The following WDR62 variants were observed in gnomAD, a reference collection of about 807,000 sequenced individuals.
The protein encoded by WDR62 is WD repeat domain 62.
WDR62 carries 112 observed loss-of-function variants against 160.6 expected under a neutral mutation model. The ratio of observed to expected loss-of-function variants is 0.70; its 90% CI spans 0.60 to 0.82. The LOEUF is 0.82. Ranked by LOEUF, WDR62 falls within the 40% of genes least tolerant of loss-of-function variation. The pLI is 0.00. For synonymous variants in WDR62, 792 were observed against 815.1 expected (o/e 0.97, Z 0.48); for missense variants, 1,819 against 1,983.8 (o/e 0.92, Z 1.58).
At chr19:36,055,258 T>C in intron 1 of WDR62, 110 bp downstream of exon 1, 1 of 1,258,634 alleles carries the variant, frequency 7.9e-7, no homozygotes, top group Non-Finnish European at 1.1e-6. Flanking sequence ...TCCCCTCAGG[T>C]TGTTCCCTGC....
intron 3 of WDR62, chr19:36,061,583 T>A (rs1047454683): frequency 2.0e-5 from 3 of 152,218 alleles, no homozygotes; most frequent in Non-Finnish European, 2.9e-5. Context: ...AGGCCCGTTG[T>A]GGCCAGTTCC....
chr19:36,110,135 G>C, the WDR62 span, among the ~76,000 whole-genome samples: 1 of 152,042 alleles, frequency 6.6e-6, no homozygotes, highest in African/African-American at 2.4e-5. Context: ...AGCTTGGCCA[G>C]TGTGCCGGGG....
At chr19:36,084,214 G>C (rs1972069510) in intron 11 of WDR62, among the ~76,000 whole-genome samples, 1 of 152,112 alleles carries the variant, frequency 6.6e-6, no homozygotes, top group Admixed American at 6.5e-5. Context: ...GATTTCATTT[G>C]GGGAGAATCA....
At position 36,102,106 on chromosome 19, in the gene WDR62, T is replaced by C; in HGVS notation, c.3175T>C (p.Phe1059Leu). 6.2e-7 allele frequency: 1 copy of C among 1,614,086 alleles called. No individual in the cohort carries two copies. Among genetic ancestry groups the C allele is most frequent in the Non-Finnish European group, 8.5e-7 (1 of 1,180,020 alleles). Residue 1059 changes from phenylalanine to leucine, a missense_variant, in exon 26 of 32, where the codon TTC becomes CTC. Around this residue, in one of 3 missense-constraint regions of WDR62, gnomAD observed 770 missense variants for 734.2 expected, o/e 1.05. Coordinates refer to ENST00000401500, the MANE Select transcript of WDR62 (RefSeq NM_001083961.2). ...SLPQTPEQEK[F>L]LRHHFETLTE... ...ACCCCAGACTCCGGAGCAGGAGAAG[T>C]TCCTCCGCCACCACTTTGAGACACT... is the stretch of plus-strand genomic sequence containing the variant.
At chr19:36,109,247 C>G (rs1043756081), downstream of WDR62, among the ~76,000 whole-genome samples, 11 of 152,180 alleles carry the variant, frequency 7.2e-5, no homozygotes, top group South Asian at 6.2e-4. Flanking sequence ...AGCGCTTATC[C>G]AGGAAGCCAT....
Position 36,092,728 on chromosome 19 carries a change from C to T in WDR62, c.2250C>T (p.Asn750=), listed in dbSNP as rs1183716031. The change falls in exon 19 of 32, where the codon AAC becomes AAT. Residue 750 remains asparagine (N), a synonymous_variant. Coordinates refer to ENST00000401500, the MANE Select transcript of WDR62 (RefSeq NM_001083961.2). ...GGCACCTGGGCCCGGAGATCACCAA[C>T]TGCATGAAGCAGCACTTGCTGGAGA... ...FIWHLGPEIT[N]CMKQHLLEID... The T allele has an allele frequency of 6.2e-7, 1 of 1,614,218 alleles. No individual in the cohort carries two copies. The highest frequency in any genetic ancestry group is 8.5e-7 in the Non-Finnish European group (1 of 1,180,038).
chr19:36,066,488 G>A, intron 5 of WDR62, 61 bp downstream of exon 5: 1 of 1,543,102 alleles, frequency 6.5e-7, no homozygotes. Context: ...CTATGTCTTG[G>A]GCACAGGGAG....
intron 20 of WDR62, among the ~76,000 whole-genome samples, chr19:36,095,906 A>G (rs1972928038): frequency 1.3e-5 from 2 of 152,222 alleles, no homozygotes; most frequent in Admixed American, 1.3e-4. Context: ...TACAAAGCAG[A>G]CGCCTGCGAA....
Position 36,101,257 on chromosome 19 carries a change from C to T in WDR62, c.2911C>T (p.Gln971Ter). Residue 971 changes from glutamine to a stop codon, truncating the protein, a stop_gained, in exon 24 of 32, where the codon CAG becomes TAG. Coordinates refer to ENST00000401500, the MANE Select transcript of WDR62 (RefSeq NM_001083961.2). LOFTEE classifies it high-confidence loss of function. ...GGTGGAGGCCGGGCCTGGAGACCAG[C>T]AGGGCGACTCCTACCTCAGGGTGTC... is the stretch of plus-strand genomic sequence containing the variant. ...KEVEAGPGDQ[Q>*]GDSYLRVSSD... The T allele has an allele frequency of 1.2e-6, 2 of 1,613,298 alleles. No homozygotes were observed. The highest frequency in any genetic ancestry group is 8.5e-7 in the Non-Finnish European group (1 of 1,179,874).
chr19:36,069,837 AAAAT>A (rs1971188220), intron 7 of WDR62, among the ~76,000 whole-genome samples: 1 of 152,206 alleles, frequency 6.6e-6, no homozygotes, highest in Non-Finnish European at 1.5e-5. Flanking sequence ...GGAGACCAAA[AAAAT>A]ACGAAAACCA....
intron 3 of WDR62, among the ~76,000 whole-genome samples, chr19:36,064,035 A>C (rs1441833701): frequency 1.3e-5 from 2 of 152,128 alleles, no homozygotes; most frequent in Non-Finnish European, 2.9e-5. Context: ...TCATCTGCCA[A>C]GTTGGTTCAT....
At chr19:36,065,744 G>A (rs1437758377) in intron 3 of WDR62, among the ~76,000 whole-genome samples, 4 of 152,218 alleles carry the variant, frequency 2.6e-5, no homozygotes, top group East Asian at 1.9e-4. Flanking sequence ...GTCTCAGGGC[G>A]GAAGGGGCCT....
the WDR62 span, chr19:36,111,100 C>G: frequency 1.8e-6 from 2 of 1,102,658 alleles, no homozygotes; most frequent in Non-Finnish European, 2.5e-6. Context: ...AATGAGGTTC[C>G]TCAGAGGCTT....
In WDR62 at chr19:36,103,763, C is replaced by T. The variant is rs1398984920; in HGVS notation, c.3935C>T (p.Pro1312Leu). The change falls in exon 30 of 32, where the codon CCC (proline) becomes CTC (leucine). Residue 1312 changes from proline (P) to leucine (L), a missense_variant. This residue lies in a region of WDR62 where 770 missense variants were observed against 734.2 expected (regional missense o/e 1.05). Coordinates refer to ENST00000401500, the MANE Select transcript of WDR62 (RefSeq NM_001083961.2). Reference protein sequence around the residue: ...SSACDGLLQPPVDTQPGVTVP... With the variant: ...SSACDGLLQPLVDTQPGVTVP... ...GCCTGTGATGGGCTCCTGCAGCCCC[C>T]CGTGGATACCCAGCCTGGCGTCACC... 1 of 1,610,992 alleles carries T rather than the reference C, an allele frequency of 6.2e-7. No homozygotes were observed. Among genetic ancestry groups the T allele is most frequent in the East Asian group, 2.2e-5 (1 of 44,874 alleles).
In WDR62 at chr19:36,064,600, C is replaced by T. The variant is rs547528835; in HGVS notation, c.333-1358C>T. ...AGCCCCACTTCTTTTTTTCTCTAGA[C>T]GGAGTCTTGGTCTGTTGCCCAGGCT... On this transcript the variant is annotated intron_variant, in intron 3 of 31. Transcript: ENST00000401500. Among the ~76,000 whole-genome samples the T allele has an allele frequency of 2.8e-3, 419 of 151,254 alleles. 4 individuals carry two copies. Among genetic ancestry groups the T allele is most frequent in the African/African-American group, 9.7e-3 (401 of 41,142 alleles).
At position 36,073,536 on chromosome 19, in the gene WDR62, G is replaced by C. The variant is rs1971411875; in HGVS notation, c.1233+5G>C. ...TCCTACGTTTGGAACGTGGAGGTGA[G>C]CCCCCCCCCCACCCCCTTGCCCCTG... On this transcript the variant is annotated splice_donor_5th_base_variant and intron_variant, in intron 9 of 31. Transcript: ENST00000401500. 7.7e-7 allele frequency: 1 copy of C among 1,304,352 alleles called. No homozygotes were observed. 80.8% of individuals were successfully genotyped at this position (1,304,352 alleles called of 1,614,324 possible). A position where few individuals can be genotyped will look rare whatever the true frequency, so the allele number is the denominator to read the frequency against.
rs142963594 is a variant in WDR62, at chr19:36,073,257, G to A, written c.1044-85G>A. On this transcript the variant is annotated intron_variant, in intron 8 of 31. Coordinates refer to ENST00000401500, the MANE Select transcript of WDR62 (RefSeq NM_001083961.2). ...AAATACCATGAGGGATGGCATTGCC[G>A]GGGAGGCATCTCCACTGTCACTAGA... 4.7e-4 allele frequency: 612 copies of A among 1,310,284 alleles called. 2 individuals carry two copies. In the East Asian group the frequency reaches 0.012, roughly 25 times the overall value. The allele number at this position is 1,310,284 out of a possible 1,614,324, so 81.2% of individuals were successfully genotyped here. A position where few individuals can be genotyped will look rare whatever the true frequency, so the allele number is the denominator to read the frequency against.
intron 5 of WDR62, 64 bp from the exon 6 acceptor site, chr19:36,067,242 C>G: frequency 6.2e-7 from 1 of 1,610,492 alleles, no homozygotes; most frequent in Non-Finnish European, 8.5e-7. Context: ...AGCCTGAGGG[C>G]AAAGGCACAA....
chr19:36,086,112 C>G (rs181709264), intron 12 of WDR62, among the ~76,000 whole-genome samples: 1 of 152,192 alleles, frequency 6.6e-6, no homozygotes, highest in Admixed American at 6.5e-5. Flanking sequence ...CTCTCATCCC[C>G]CATGCTGTGT....
Sources: gnomAD v4.1 joint callset for allele counts (sites outside exome capture counted in the v4.1 genomes callset) on GRCh38, gnomAD v4.1.1 for gene constraint, gnomAD v4.1.1 regional missense constraint, MANE v1.5 for transcripts, NCBI Gene and HGNC (gene_info 2026-07-23, HGNC 2026-07-21) for gene names.